The following EXOC4 variants were observed in gnomAD, a reference collection of about 807,000 sequenced individuals.
EXOC4 encodes the protein exocyst complex component 4, also known as SEC8-like 1.
EXOC4 carries 71 observed loss-of-function variants against 107.2 expected under a neutral mutation model. That is an observed-to-expected ratio of 0.66 (90% CI 0.55 to 0.81). EXOC4 has a LOEUF of 0.81. EXOC4 is among the 30% of genes least tolerant of loss of function. The probability of loss-of-function intolerance (pLI) is 0.00; values close to 1 mark genes in which losing one functional copy is unlikely to be tolerated. For synonymous variants in EXOC4, 456 were observed against 441.2 expected (o/e 1.03, Z -0.42); for missense variants, 1,108 against 1,189.6 (o/e 0.93, Z 1.01).
intron 10 of EXOC4, among the ~76,000 whole-genome samples, chr7:133,685,934 A>G (rs1794289060): frequency 6.6e-6 from 1 of 152,150 alleles, no homozygotes; most frequent in African/African-American, 2.4e-5. Flanking sequence ...CCATGCGTAC[A>G]CACTATTTAG....
At chr7:133,706,129 C>T (rs182134634) in intron 10 of EXOC4, among the ~76,000 whole-genome samples, 489 of 152,230 alleles carry the variant, frequency 3.2e-3, no homozygotes, top group Non-Finnish European at 4.1e-3. Flanking sequence ...TCCCTCCCAG[C>T]GAGTTTGAAT....
intron 11 of EXOC4, among the ~76,000 whole-genome samples, chr7:133,819,369 CCTAATTA>C (rs1413554039): frequency 6.6e-6 from 1 of 150,838 alleles, no homozygotes; most frequent in East Asian, 2.0e-4. Context: ...TTATCACAAC[CCTAATTA>C]TTAATTAATT....
At chr7:133,710,611 G>A (rs1434804652) in intron 10 of EXOC4, among the ~76,000 whole-genome samples, 3 of 143,268 alleles carry the variant, frequency 2.1e-5, no homozygotes, top group Admixed American at 7.1e-5. Flanking sequence ...AGTGAGCCGA[G>A]ATCCCGCCAC....
At chr7:133,975,745 G>GCACACACA (rs57377025) in intron 14 of EXOC4, among the ~76,000 whole-genome samples, 1 of 149,996 alleles carries the variant, frequency 6.7e-6, no homozygotes, top group Admixed American at 6.6e-5. Context: ...AAATGCGTGT[G>GCACACACA]CACACACACA....
chr7:133,471,412 CA>C (rs59230142), intron 7 of EXOC4, among the ~76,000 whole-genome samples: 39,643 of 125,110 alleles, frequency 0.32, 5,670 homozygotes, highest in Non-Finnish European at 0.38. Flanking sequence ...GACTTCATCT[CA>C]AAAAAAAAAA....
At chr7:133,457,980 A>T (rs914757989) in intron 7 of EXOC4, among the ~76,000 whole-genome samples, 8 of 152,234 alleles carry the variant, frequency 5.3e-5, no homozygotes, top group Non-Finnish European at 7.3e-5. Flanking sequence ...TTTAGAAGAA[A>T]TAAAAGAAGG....
chr7:133,978,006 G>T (rs1793883693), intron 14 of EXOC4, among the ~76,000 whole-genome samples: 1 of 152,184 alleles, frequency 6.6e-6, no homozygotes, highest in South Asian at 2.1e-4. Flanking sequence ...AACTTGATGT[G>T]CAAACAGACT....
chr7:134,053,677 A>G (rs1056158866), intron 17 of EXOC4, among the ~76,000 whole-genome samples: 1 of 151,658 alleles, frequency 6.6e-6, no homozygotes, highest in Non-Finnish European at 1.5e-5. Context: ...CTTGATGAGG[A>G]TGGAGCAAGT....
intron 5 of EXOC4, among the ~76,000 whole-genome samples, chr7:133,337,112 A>G (rs1795535550): frequency 6.6e-6 from 1 of 152,160 alleles, no homozygotes. Flanking sequence ...CTTGAAATAA[A>G]TCTCTCTTGA....
intron 9 of EXOC4, among the ~76,000 whole-genome samples, chr7:133,590,511 C>G (rs972203791): frequency 3.3e-5 from 5 of 152,124 alleles, no homozygotes; most frequent in African/African-American, 1.2e-4. Flanking sequence ...CTAGCCTGCT[C>G]TGCCCCATCC....
In EXOC4 at chr7:133,819,260, AT is replaced by A. The variant is rs1278598400; in HGVS notation, c.1734+1718del. Among the ~76,000 whole-genome samples the A allele has an allele frequency of 2.1e-5, 3 of 140,784 alleles. No individual in the cohort carries two copies. The Admixed American group carries it at 2.4e-4, about 11-fold the overall frequency. The allele number at this position is 140,784 out of a possible 152,430, so 92.4% of individuals were successfully genotyped here. A position where few individuals can be genotyped will look rare whatever the true frequency, so the allele number is the denominator to read the frequency against. On this transcript the variant is annotated intron_variant, in intron 11 of 17. Coordinates refer to ENST00000253861, the MANE Select transcript of EXOC4 (RefSeq NM_021807.4). ...TCTTCATTCATATTTCTTTATTTGA[AT>A]TATCTAAATGGAATACTTTTTTTTT...
At chr7:133,338,617 A>G (rs1239605633) in intron 5 of EXOC4, among the ~76,000 whole-genome samples, 53 of 149,674 alleles carry the variant, frequency 3.5e-4, no homozygotes, top group African/African-American at 1.2e-3. Flanking sequence ...AAAAAAAAAA[A>G]AAAAAATTTT....
At chr7:133,705,445 C>G (rs1188120057) in intron 10 of EXOC4, among the ~76,000 whole-genome samples, 1 of 152,194 alleles carries the variant, frequency 6.6e-6, no homozygotes, top group Non-Finnish European at 1.5e-5. Flanking sequence ...TAAATTCTGT[C>G]TGCTTCTAGT....
intron 2 of EXOC4, among the ~76,000 whole-genome samples, chr7:133,288,014 C>T (rs2150544959): frequency 6.6e-6 from 1 of 152,230 alleles, no homozygotes; most frequent in South Asian, 2.1e-4. Flanking sequence ...GAGATGCATT[C>T]ATGGGTAAAT....
rs544996695 is a variant in EXOC4 at position 133,739,761 on chromosome 7, C to A, written c.1515-77564C>A. 3.9e-5 allele frequency among the ~76,000 whole-genome samples: 6 copies of A among 152,312 alleles called. No individual in the cohort carries two copies. The South Asian group carries it at 1.2e-3, about 32-fold the overall frequency. ...TTCTGGGAAATGCAGTTCAGCCTGG[C>A]CAAGTTGCACATTAGAAAGCCACCA... On this transcript the variant is annotated intron_variant, in intron 10 of 17. Transcript: ENST00000253861.
chr7:133,470,892 T>C (rs1798857643), intron 7 of EXOC4, among the ~76,000 whole-genome samples: 1 of 152,204 alleles, frequency 6.6e-6, no homozygotes, highest in Non-Finnish European at 1.5e-5. Flanking sequence ...TTGTTTACTT[T>C]TATGAAAATT....
At chr7:133,674,763 A>G (rs1165070049) in intron 10 of EXOC4, among the ~76,000 whole-genome samples, 1 of 152,212 alleles carries the variant, frequency 6.6e-6, no homozygotes, top group Non-Finnish European at 1.5e-5. Context: ...AAAATGTACT[A>G]TAATAAATAA....
chr7:133,572,468 C>A (rs28533969), intron 9 of EXOC4, among the ~76,000 whole-genome samples: 159 of 152,026 alleles, frequency 1.0e-3, no homozygotes, highest in African/African-American at 3.7e-3. Context: ...AAAAATAAAT[C>A]AAGAATAATA....
intron 9 of EXOC4, among the ~76,000 whole-genome samples, chr7:133,553,157 G>T (rs917441079): frequency 6.6e-6 from 1 of 152,106 alleles, no homozygotes; most frequent in African/African-American, 2.4e-5. Context: ...ATGATTATGA[G>T]AATCAAATAA....
Sources: allele counts gnomAD v4.1 joint callset (sites outside exome capture counted in the v4.1 genomes callset), GRCh38; gene constraint gnomAD v4.1.1; transcripts MANE v1.5; gene names NCBI Gene and HGNC (gene_info 2026-07-23, HGNC 2026-07-21).